CDKAL1: variants seen among roughly 807,000 people sequenced by gnomAD.
CDKAL1 encodes the protein threonylcarbamoyladenosine tRNA methylthiotransferase.
Under a neutral mutation model 68.2 loss-of-function variants are expected in CDKAL1, and 32 were observed. The ratio of observed to expected loss-of-function variants is 0.47; its 90% CI spans 0.35 to 0.63. CDKAL1 has a LOEUF of 0.63. Ranked by LOEUF, CDKAL1 falls within the 30% of genes least tolerant of loss-of-function variation. CDKAL1 has a pLI of 0.00. For synonymous variants in CDKAL1, 234 were observed against 244.3 expected (o/e 0.96, Z 0.39); for missense variants, 606 against 696.7 (o/e 0.87, Z 1.47).
At chr6:20,608,410 G>C (rs955047053) in intron 4 of CDKAL1, among the ~76,000 whole-genome samples, 4 of 152,034 alleles carry the variant, frequency 2.6e-5, no homozygotes, top group African/African-American at 9.7e-5. Context: ...GTGTGACTTT[G>C]TATAACTGCA....
intron 5 of CDKAL1, among the ~76,000 whole-genome samples, chr6:20,660,960 C>T (rs79518420): frequency 0.018 from 2,706 of 151,550 alleles, 83 homozygotes; most frequent in African/African-American, 0.06. Context: ...AGATATACCA[C>T]CAAAATTGAA....
intron 9 of CDKAL1, among the ~76,000 whole-genome samples, chr6:20,890,073 A>C (rs935016430): frequency 5.9e-5 from 9 of 152,112 alleles, no homozygotes. Flanking sequence ...ATTTATGTAG[A>C]TTTTCCATCA....
chr6:21,209,276 C>T (rs1282395010), intron 15 of CDKAL1, among the ~76,000 whole-genome samples: 1 of 152,130 alleles, frequency 6.6e-6, no homozygotes, highest in Admixed American at 6.6e-5. Flanking sequence ...CATCCTTTGT[C>T]CACGTTCAAG....
At chr6:21,017,538 G>A (rs1217589143) in intron 11 of CDKAL1, among the ~76,000 whole-genome samples, 2 of 152,160 alleles carry the variant, frequency 1.3e-5, no homozygotes, top group African/African-American at 4.8e-5. Flanking sequence ...CTAGGGTTTG[G>A]TTCAGTACAT....
chr6:20,787,037 C>T (rs979859962), intron 8 of CDKAL1, among the ~76,000 whole-genome samples: 2 of 152,080 alleles, frequency 1.3e-5, no homozygotes, highest in South Asian at 2.1e-4. Context: ...TTAAGATACT[C>T]CTATCAGATT....
intron 10 of CDKAL1, among the ~76,000 whole-genome samples, chr6:20,974,538 C>T (rs538873871): frequency 7.0e-4 from 106 of 152,140 alleles, no homozygotes; most frequent in Non-Finnish European, 1.4e-3. Context: ...CTCAGGCTCA[C>T]TTTAATATTT....
intron 8 of CDKAL1, among the ~76,000 whole-genome samples, chr6:20,788,016 C>T (rs1024956629): frequency 6.6e-6 from 1 of 152,068 alleles, no homozygotes; most frequent in Admixed American, 6.5e-5. Flanking sequence ...CTTGAGTGTC[C>T]CTTCTTTAAC....
In CDKAL1 at chr6:20,853,413, A is replaced by AAC. The variant is rs1554130975; in HGVS notation, c.742+7235_742+7236insAC. On this transcript the variant is annotated intron_variant, in intron 9 of 15. Coordinates refer to ENST00000274695, the MANE Select transcript of CDKAL1 (RefSeq NM_017774.3). ...AAACAAAAAAAAAACAAAAAAAAAA[A>AAC]CCCTATATGATAGGGGTTATTGATG... Among the ~76,000 whole-genome samples the AAC allele has an allele frequency of 7.3e-3, 1,076 of 148,206 alleles. 6 individuals are homozygous for AAC. Among genetic ancestry groups the AAC allele is most frequent in the South Asian group, 0.018 (82 of 4,660 alleles).
chr6:20,745,236 T>C (rs1205734784), intron 6 of CDKAL1, among the ~76,000 whole-genome samples: 1 of 152,238 alleles, frequency 6.6e-6, no homozygotes, highest in African/African-American at 2.4e-5. Flanking sequence ...TGCGAGCACT[T>C]TAATTTTGAA....
At chr6:20,632,909 G>A (rs1047816354) in intron 4 of CDKAL1, among the ~76,000 whole-genome samples, 3 of 152,160 alleles carry the variant, frequency 2.0e-5, no homozygotes, top group African/African-American at 4.8e-5. Context: ...GGGAGGTGAC[G>A]TGTACACTGC....
intron 5 of CDKAL1, among the ~76,000 whole-genome samples, chr6:20,731,049 G>A (rs891720582): frequency 4.3e-4 from 66 of 152,228 alleles, no homozygotes; most frequent in African/African-American, 1.4e-3. Context: ...TCAAGTGCAT[G>A]CATGACTTTT....
intron 5 of CDKAL1, among the ~76,000 whole-genome samples, chr6:20,691,885 T>C (rs1770885417): frequency 6.6e-6 from 1 of 152,232 alleles, no homozygotes; most frequent in South Asian, 2.1e-4. Flanking sequence ...ATTTCTATTT[T>C]ATATATGTTA....
At chr6:20,805,266 C>T (rs1473251773) in intron 8 of CDKAL1, among the ~76,000 whole-genome samples, 1 of 152,114 alleles carries the variant, frequency 6.6e-6, no homozygotes, top group Non-Finnish European at 1.5e-5. Context: ...GCAACTGTCT[C>T]CTGAGTCTGT....
chr6:20,712,728 T>A (rs1581428487), intron 5 of CDKAL1, among the ~76,000 whole-genome samples: 1 of 152,032 alleles, frequency 6.6e-6, no homozygotes, highest in East Asian at 1.9e-4. Context: ...CACTGCAACC[T>A]CCACCTCCTG....
At chr6:20,781,774 C>T (rs1775441684) in intron 8 of CDKAL1, among the ~76,000 whole-genome samples, 1 of 152,072 alleles carries the variant, frequency 6.6e-6, no homozygotes, top group South Asian at 2.1e-4. Flanking sequence ...ATTTAAAGTC[C>T]TTGATTATAA....
chr6:20,991,706 CAAAAAAA>C (rs35504365), intron 10 of CDKAL1, among the ~76,000 whole-genome samples: 13 of 59,622 alleles, frequency 2.2e-4, no homozygotes, highest in Middle Eastern at 0.011. Flanking sequence ...TATTCCCTCT[CAAAAAAA>C]AAAAAAAAAA....
intron 10 of CDKAL1, among the ~76,000 whole-genome samples, chr6:20,969,891 A>G: frequency 6.6e-6 from 1 of 151,810 alleles, no homozygotes; most frequent in African/African-American, 2.4e-5. Flanking sequence ...ATTCTAGGAA[A>G]TATGTCAGTG....
intron 2 of CDKAL1, among the ~76,000 whole-genome samples, chr6:20,543,379 C>T (rs1052611735): frequency 6.6e-6 from 1 of 152,092 alleles, no homozygotes; most frequent in African/African-American, 2.4e-5. Context: ...TATACTGATA[C>T]CTCATTGTGG....
At chr6:21,044,337 C>G (rs1056745157) in intron 11 of CDKAL1, among the ~76,000 whole-genome samples, 2 of 152,144 alleles carry the variant, frequency 1.3e-5, no homozygotes, top group Non-Finnish European at 2.9e-5. Context: ...TTGCCTCTTA[C>G]TTGTAAGTAT....
Sources: gnomAD v4.1 joint callset for allele counts (sites outside exome capture counted in the v4.1 genomes callset) on GRCh38, gnomAD v4.1.1 for gene constraint, MANE v1.5 for transcripts, NCBI Gene and HGNC (gene_info 2026-07-23, HGNC 2026-07-21) for gene names.